The following VWC2 variants were observed in gnomAD, a reference collection of about 807,000 sequenced individuals.
VWC2 encodes brorin.
In VWC2, 14 loss-of-function variants were observed where a neutral mutation model predicts 29.8. That is an observed-to-expected ratio of 0.47 (90% confidence interval 0.31 to 0.74). VWC2 has a LOEUF of 0.74. Ranked by LOEUF, VWC2 falls within the 30% of genes least tolerant of loss-of-function variation. The probability of loss-of-function intolerance (pLI) is 0.05; values close to 1 mark genes in which losing one functional copy is unlikely to be tolerated. For missense variants in VWC2, 457 were observed against 459.8 expected (o/e 0.99, Z 0.05); for synonymous variants, 213 against 199.0 (o/e 1.07, Z -0.59).
chr7:49,873,351 T>C (rs966889070), intron 3 of VWC2, among the ~76,000 whole-genome samples: 5 of 152,308 alleles, frequency 3.3e-5, no homozygotes, highest in Middle Eastern at 3.4e-3. Context: ...CACCTTGTAA[T>C]GGAGGGAGAG....
At chr7:49,896,448 C>T (rs1459254865) in intron 3 of VWC2, among the ~76,000 whole-genome samples, 3 of 151,966 alleles carry the variant, frequency 2.0e-5, no homozygotes, top group African/African-American at 2.4e-5. Flanking sequence ...GAAAAAAATT[C>T]CTAAATCAAT....
At chr7:49,845,294 A>G (rs1057429444) in intron 3 of VWC2, among the ~76,000 whole-genome samples, 4 of 136,564 alleles carry the variant, frequency 2.9e-5, no homozygotes, top group South Asian at 2.1e-4. Context: ...AAGTCGAAGG[A>G]AAAAAAAAAG....
intron 3 of VWC2, among the ~76,000 whole-genome samples, chr7:49,810,201 T>C (rs930183215): frequency 1.1e-4 from 16 of 151,868 alleles, no homozygotes; most frequent in Non-Finnish European, 1.5e-4. Context: ...CTATGGAGGC[T>C]AATAAAGATT....
At chr7:49,906,773 A>C (rs2128740020) in intron 3 of VWC2, among the ~76,000 whole-genome samples, 1 of 152,360 alleles carries the variant, frequency 6.6e-6, no homozygotes, top group Admixed American at 6.5e-5. Flanking sequence ...TCTTATGTGA[A>C]ACAGCTTGTA....
rs141251401 is a variant in VWC2 at position 49,902,187 on chromosome 7, G to T, written c.827-9847G>T. Among the ~76,000 whole-genome samples, 682 of 151,836 alleles carry T rather than the reference G, an allele frequency of 4.5e-3. 3 individuals are homozygous for T. The highest frequency in any genetic ancestry group is 0.016 in the African/African-American group (645 of 41,460). On this transcript the variant is annotated intron_variant, in intron 3 of 3. Coordinates refer to ENST00000340652, the MANE Select transcript of VWC2 (RefSeq NM_198570.5). ...ATAATAAAGAAAGAATTGATGGGCT[G>T]GCCTCCATTAAAATTAAAAATTTTT...
chr7:49,801,811 A>G (rs1227519797), intron 2 of VWC2, among the ~76,000 whole-genome samples: 1 of 152,248 alleles, frequency 6.6e-6, no homozygotes, highest in Non-Finnish European at 1.5e-5. Flanking sequence ...GTTAGTACAA[A>G]GGGTCAGTAA....
At position 49,773,932 on chromosome 7, in the gene VWC2, A is replaced by T. The variant is rs1215231968; in HGVS notation, c.-285A>T. 6.6e-6 allele frequency: 1 copy of T among 152,130 alleles called. No homozygotes were observed. Among genetic ancestry groups the T allele is most frequent in the African/African-American group, 2.4e-5 (1 of 41,408 alleles). 9.4% of individuals were successfully genotyped at this position (152,130 alleles called of 1,614,324 possible). A position where few individuals can be genotyped will look rare whatever the true frequency, so the allele number is the denominator to read the frequency against. On this transcript the variant is annotated 5_prime_UTR_variant, in exon 1 of 4. Coordinates refer to ENST00000340652, the MANE Select transcript of VWC2 (RefSeq NM_198570.5). ...GACAGCGCGATGAGCGACTCCCCAGAGACGCCCTAGCCCGGTGTGCGCGCC... is the reference window on the plus strand; with the variant it reads ...GACAGCGCGATGAGCGACTCCCCAGTGACGCCCTAGCCCGGTGTGCGCGCC...
At position 49,802,746 on chromosome 7, in the gene VWC2, C is replaced by T. The variant is rs142480854; in HGVS notation, c.732C>T (p.Asn244=). 2.4e-5 allele frequency: 39 copies of T among 1,614,196 alleles called. No homozygotes were observed. The Admixed American group carries it at 3.5e-4, about 14-fold the overall frequency. The change falls in exon 3 of 4, where the codon AAC becomes AAT. Residue 244 remains asparagine (N), a synonymous_variant. Transcript: ENST00000340652. ...SPCERCRCEA[N]GEVLCTVSAC... ...GCGAGAGGTGTCGCTGTGAAGCCAA[C>T]GGTGAGGTGCTATGCACAGTGTCAG... is the stretch of plus-strand genomic sequence containing the variant.
intron 2 of VWC2, among the ~76,000 whole-genome samples, chr7:49,794,600 T>C (rs1788543384): frequency 6.6e-6 from 1 of 152,216 alleles, no homozygotes; most frequent in Non-Finnish European, 1.5e-5. Flanking sequence ...TTGGTTATTG[T>C]AGATCCAAGT....
intron 2 of VWC2, among the ~76,000 whole-genome samples, chr7:49,798,288 T>C (rs545316668): frequency 3.0e-4 from 45 of 152,194 alleles, no homozygotes; most frequent in Admixed American, 1.0e-3. Context: ...TCCTAGACAT[T>C]TGGGTCAGCT....
chr7:49,892,406 C>T (rs1562756521), intron 3 of VWC2, among the ~76,000 whole-genome samples: 1 of 152,156 alleles, frequency 6.6e-6, no homozygotes, highest in Non-Finnish European at 1.5e-5. Flanking sequence ...AGTAAAGCTA[C>T]TTCGACAATG....
chr7:49,781,398 C>A (rs992379834), intron 2 of VWC2, among the ~76,000 whole-genome samples: 2 of 152,086 alleles, frequency 1.3e-5, no homozygotes, highest in Admixed American at 1.3e-4. Flanking sequence ...ACACCATAAT[C>A]TTTTACAGTG....
At chr7:49,861,514 A>AT (rs1790652877) in intron 3 of VWC2, among the ~76,000 whole-genome samples, 1 of 151,984 alleles carries the variant, frequency 6.6e-6, no homozygotes, top group South Asian at 2.1e-4. Context: ...CAGTTCATCT[A>AT]TTTTTTTCTT....
chr7:49,804,665 A>T (rs569051033), intron 3 of VWC2, among the ~76,000 whole-genome samples: 32 of 152,258 alleles, frequency 2.1e-4, no homozygotes, highest in African/African-American at 7.2e-4. Flanking sequence ...GCTTTTAGAG[A>T]AATTTCAAAC....
chr7:49,870,256 TG>T (rs1199630330), intron 3 of VWC2, among the ~76,000 whole-genome samples: 1 of 151,992 alleles, frequency 6.6e-6, no homozygotes, highest in Non-Finnish European at 1.5e-5. Flanking sequence ...AAAAATTAGC[TG>T]GGCATGGTGG....
Position 49,849,211 on chromosome 7 carries a change from AC to A in VWC2, c.826+46372del, listed in dbSNP as rs138189313. Among the ~76,000 whole-genome samples the A allele has an allele frequency of 1.6e-3, 243 of 152,304 alleles. 3 individuals carry two copies. The East Asian group carries it at 0.039, about 24-fold the overall frequency. ...GCCTCGGCTGTGGGGGGAAACCAAT[AC>A]AGTCACCATCTCTTTATCACAAAAT... On this transcript the variant is annotated intron_variant, in intron 3 of 3. Coordinates refer to ENST00000340652, the MANE Select transcript of VWC2 (RefSeq NM_198570.5).
intron 3 of VWC2, among the ~76,000 whole-genome samples, chr7:49,911,571 G>T (rs796595282): frequency 3.3e-5 from 5 of 150,468 alleles, no homozygotes; most frequent in African/African-American, 1.2e-4. Flanking sequence ...TTATAACTTT[G>T]CCACTGTCCT....
intron 3 of VWC2, among the ~76,000 whole-genome samples, chr7:49,831,511 C>A (rs1181984575): frequency 6.6e-6 from 1 of 152,148 alleles, no homozygotes; most frequent in Non-Finnish European, 1.5e-5. Context: ...TTCTGCATAG[C>A]ATGATAGGGC....
At chr7:49,865,002 C>G (rs1223232983) in intron 3 of VWC2, among the ~76,000 whole-genome samples, 3 of 85,728 alleles carry the variant, frequency 3.5e-5, no homozygotes, top group Non-Finnish European at 8.3e-5. Context: ...GTAGAGCTGC[C>G]TACTCTCAAT....
Sources: gnomAD v4.1 joint callset for allele counts (sites outside exome capture counted in the v4.1 genomes callset) on GRCh38, gnomAD v4.1.1 for gene constraint, MANE v1.5 for transcripts, NCBI Gene and HGNC (gene_info 2026-07-23, HGNC 2026-07-21) for gene names.